Variants in MADD observed in about 807,000 individuals in gnomAD.
The protein encoded by MADD is MAP kinase activating death domain, also known as MAP kinase-activating death domain protein.
MADD carries 109 observed loss-of-function variants against 176.7 expected under a neutral mutation model. The ratio of observed to expected loss-of-function variants is 0.62; its 90% confidence interval spans 0.53 to 0.72. The LOEUF is 0.72. MADD is among the 30% of genes least tolerant of loss of function. The probability of loss-of-function intolerance (pLI) is 0.00; values close to 1 mark genes in which losing one functional copy is unlikely to be tolerated. For missense variants in MADD, 1,914 were observed against 2,045.5 expected (o/e 0.94, Z 1.24); for synonymous variants, 771 against 771.3 (o/e 1.00, Z 0.01).
At chr11:47,285,284 G>T in intron 13 of MADD, 90 bp downstream of exon 13, 1 of 1,563,500 alleles carries the variant, frequency 6.4e-7, no homozygotes, top group Non-Finnish European at 8.6e-7. Context: ...AGTCTGAGAA[G>T]TCTGAATGCT....
At chr11:47,274,623 G>A in exon 3 of MADD, 1 of 1,614,216 alleles carries the variant, frequency 6.2e-7, no homozygotes, top group Non-Finnish European at 8.5e-7. Context: ...ACCCCTTGGA[G>A]GATCACACTG....
Position 47,289,034 on chromosome 11 carries a change from C to G in MADD, c.2654-357C>G. On this transcript the variant is annotated intron_variant, in intron 15 of 32. Coordinates refer to ENST00000402192, the Ensembl canonical transcript of MADD. ...GGCCCCGGGAGTGGTGAAGGTGGGT[C>G]TTGCCTGTGAGCTGTGCATGATCTT... 6.3e-7 allele frequency: 1 copy of G among 1,590,634 alleles called. No homozygotes were observed. Among genetic ancestry groups the G allele is most frequent in the Non-Finnish European group, 8.5e-7 (1 of 1,173,750 alleles).
intron 10 of MADD, among the ~76,000 whole-genome samples, chr11:47,283,969 A>T (rs970722486): frequency 6.6e-6 from 1 of 152,192 alleles, no homozygotes; most frequent in African/African-American, 2.4e-5. Flanking sequence ...TAGCGTCCCA[A>T]AGTGCTTGGA....
Position 47,287,782 on chromosome 11 carries a change from A to ATTTTTTTTTTT in MADD, c.2653+1263_2653+1273dup, listed in dbSNP as rs57417064. 7.3e-4 allele frequency among the ~76,000 whole-genome samples: 40 copies of ATTTTTTTTTTT among 55,044 alleles called. 1 individual carries two copies. The highest frequency in any genetic ancestry group is 3.1e-3 in the African/African-American group (38 of 12,290). The allele number at this position is 55,044 out of a possible 152,430, so 36.1% of individuals were successfully genotyped here. ...GTAGGAAGTGCAGTGAGAAACATGT[A>ATTTTTTTTTTT]TTTTTTTTTTTTTTTTTTTTTTTTT... On this transcript the variant is annotated intron_variant, in intron 15 of 32. Coordinates refer to ENST00000402192, the Ensembl canonical transcript of MADD.
At chr11:47,327,094 C>T in intron 31 of MADD, 2 of 1,141,958 alleles carry the variant, frequency 1.8e-6, no homozygotes, top group Non-Finnish European at 2.2e-6. Context: ...CGTGCTGGGC[C>T]AGCCAGTGGT....
At chr11:47,296,785 T>TTC in intron 22 of MADD, among the ~76,000 whole-genome samples, 1 of 150,336 alleles carries the variant, frequency 6.7e-6, no homozygotes, top group South Asian at 2.1e-4. Context: ...TTTTTTTTTT[T>TTC]ACACAGGGTC....
At chr11:47,300,206 CTTT>C (rs777080143) in intron 22 of MADD, among the ~76,000 whole-genome samples, 1 of 130,362 alleles carries the variant, frequency 7.7e-6, no homozygotes, top group Non-Finnish European at 1.7e-5. Flanking sequence ...TTTTTTCTTT[CTTT>C]TTTTTTTTTT....
chr11:47,285,449 A>G lies in MADD; in HGVS notation c.2412-2A>G, dbSNP rs1455595183. On this transcript the variant is annotated splice_acceptor_variant, in intron 13 of 32. Transcript: ENST00000402192. LOFTEE classifies it high-confidence loss of function. The stretch of plus-strand genomic sequence containing the variant: ...GATCATAGGTGCCTCTGTGCATTCA[A>G]GGGCTCAAAAGCTGCTGCGGCCCAA... 4 of 1,614,034 alleles carry G rather than the reference A, an allele frequency of 2.5e-6. No homozygotes were observed. The highest frequency in any genetic ancestry group is 3.4e-6 in the Non-Finnish European group (4 of 1,180,024).
intron 22 of MADD, among the ~76,000 whole-genome samples, chr11:47,302,463 C>G (rs753777904): frequency 6.6e-6 from 1 of 152,212 alleles, no homozygotes; most frequent in Non-Finnish European, 1.5e-5. Flanking sequence ...CTGCCCGCTT[C>G]GGCCTCCCAA....
chr11:47,319,166 C>T (rs1275838643), intron 27 of MADD, among the ~76,000 whole-genome samples: 7 of 141,022 alleles, frequency 5.0e-5, no homozygotes, highest in African/African-American at 1.9e-4. Flanking sequence ...GAGTCTTGCT[C>T]TGTCACCCAG....
exon 3 of MADD, chr11:47,274,629 C>T (rs754198696): frequency 1.1e-5 from 18 of 1,614,110 alleles, no homozygotes; most frequent in Non-Finnish European, 1.4e-5. Flanking sequence ...TGGAGGATCA[C>T]ACTGAGTTTC....
At chr11:47,305,816 G>A (rs2082186458) in intron 22 of MADD, among the ~76,000 whole-genome samples, 1 of 152,126 alleles carries the variant, frequency 6.6e-6, no homozygotes, top group Non-Finnish European at 1.5e-5. Context: ...TTTGGCTAGG[G>A]CAAGGTATCT....
chr11:47,309,737 T>C (rs1286576504), intron 25 of MADD, 125 bp downstream of exon 28: 13 of 688,850 alleles, frequency 1.9e-5, no homozygotes, highest in Middle Eastern at 3.8e-4. Flanking sequence ...ATCTTCTTGA[T>C]TGAAAGTCTG....
chr11:47,285,945 C>T (rs567490537), intron 14 of MADD, among the ~76,000 whole-genome samples: 79 of 152,310 alleles, frequency 5.2e-4, no homozygotes, highest in Non-Finnish European at 5.3e-4. Flanking sequence ...TGCCTCATAA[C>T]GGACTCTTCC....
At chr11:47,283,116 C>CG (rs2058157642) in intron 10 of MADD, 147 bp downstream of exon 10, 5 of 717,978 alleles carry the variant, frequency 7.0e-6, no homozygotes, top group Non-Finnish European at 9.5e-6. Context: ...TTTTTTGAGA[C>CG]GGAGTCTCGC....
chr11:47,275,006 C>G (rs767084637), exon 3 of MADD: 1 of 1,614,114 alleles, frequency 6.2e-7, no homozygotes, highest in Non-Finnish European at 8.5e-7. Flanking sequence ...GGGAGCCGCT[C>G]CCGCAACAGT....
chr11:47,277,110 G>C (rs144240598), intron 5 of MADD, among the ~76,000 whole-genome samples: 2 of 152,180 alleles, frequency 1.3e-5, no homozygotes, highest in Non-Finnish European at 2.9e-5. Flanking sequence ...CGTGTGTTAC[G>C]TAATACAGTA....
intron 2 of MADD, 96 bp from the exon 3 acceptor site, chr11:47,274,467 A>G: frequency 9.5e-7 from 1 of 1,057,060 alleles, no homozygotes; most frequent in East Asian, 2.4e-5. Flanking sequence ...TACTTTATCC[A>G]AAATAGCATC....
chr11:47,299,401 C>T (rs1384840736), intron 22 of MADD, among the ~76,000 whole-genome samples: 1 of 151,744 alleles, frequency 6.6e-6, no homozygotes, highest in Non-Finnish European at 1.5e-5. Flanking sequence ...TAAATTTCTC[C>T]TAAGAATTTA....
Sources: gnomAD v4.1 joint callset for allele counts (sites outside exome capture counted in the v4.1 genomes callset) on GRCh38, gnomAD v4.1.1 for gene constraint, MANE v1.5 for transcripts, NCBI Gene and HGNC (gene_info 2026-07-23, HGNC 2026-07-21) for gene names.